Variants in LRRC7 observed in about 807,000 individuals in gnomAD.
The protein encoded by LRRC7 is leucine rich repeat containing 7.
Under a neutral mutation model 175.7 loss-of-function variants are expected in LRRC7, and 23 were observed. The ratio of observed to expected loss-of-function variants is 0.13; its 90% CI spans 0.09 to 0.19. The LOEUF (loss-of-function observed/expected upper bound fraction) is 0.19. Among genes scored for constraint, LRRC7 ranks in the 10% least tolerant of loss-of-function variants. The pLI is 1.00. For missense variants in LRRC7, 1,354 were observed against 1,904.7 expected, an observed-to-expected ratio of 0.71 and a Z score of 5.38; for synonymous variants, 685 against 680.9, an observed-to-expected ratio of 1.01 and a Z score of -0.09.
At chr1:70,012,086 C>T (rs1656566118) in intron 12 of LRRC7, among the ~76,000 whole-genome samples, 160 bp downstream of exon 12, 1 of 151,728 alleles carries the variant, frequency 6.6e-6, no homozygotes. Flanking sequence ...TTTTAAATGA[C>T]AAGTTCTTAT....
intron 2 of LRRC7, among the ~76,000 whole-genome samples, chr1:69,758,961 A>G (rs953209842): frequency 1.3e-5 from 2 of 152,018 alleles, no homozygotes; most frequent in African/African-American, 4.8e-5. Context: ...TTAAGTTTTA[A>G]TTCTGTAGTT....
At chr1:69,905,154 C>T (rs1646257856) in intron 7 of LRRC7, among the ~76,000 whole-genome samples, 1 of 152,034 alleles carries the variant, frequency 6.6e-6, no homozygotes, top group Admixed American at 6.6e-5. Flanking sequence ...TGAAAATACA[C>T]ATGCATATGC....
At chr1:69,932,094 T>C (rs914704388) in intron 8 of LRRC7, among the ~76,000 whole-genome samples, 3 of 152,200 alleles carry the variant, frequency 2.0e-5, no homozygotes, top group Admixed American at 6.5e-5. Context: ...ACTGGCAGAA[T>C]TCTGCCTTCT....
intron 7 of LRRC7, among the ~76,000 whole-genome samples, chr1:69,889,580 G>T (rs1645769503): frequency 6.6e-6 from 1 of 152,168 alleles, no homozygotes; most frequent in African/African-American, 2.4e-5. Context: ...GCTAAAGCAG[G>T]TGGATTACTT....
At chr1:69,906,796 G>C (rs963308591) in intron 7 of LRRC7, among the ~76,000 whole-genome samples, 1 of 152,170 alleles carries the variant, frequency 6.6e-6, no homozygotes, top group Non-Finnish European at 1.5e-5. Context: ...ATTCTGTGAA[G>C]AAAGTCATTG....
intron 15 of LRRC7, among the ~76,000 whole-genome samples, chr1:70,020,010 G>A (rs1389632003): frequency 6.6e-6 from 1 of 152,000 alleles, no homozygotes; most frequent in African/African-American, 2.4e-5. Context: ...TCCCAAGGTA[G>A]ATTCAGTTAG....
At chr1:69,776,382 G>A (rs1016930587) in intron 3 of LRRC7, among the ~76,000 whole-genome samples, 1 of 152,022 alleles carries the variant, frequency 6.6e-6, no homozygotes. Flanking sequence ...AGAAATGATA[G>A]TTGCACTTTC....
At chr1:69,694,523 A>G (rs1662310401) in intron 2 of LRRC7, among the ~76,000 whole-genome samples, 1 of 151,966 alleles carries the variant, frequency 6.6e-6, no homozygotes, top group Non-Finnish European at 1.5e-5. Context: ...TTCAGTCACA[A>G]TTTTTTGACC....
chr1:69,761,997 C>T (rs995559895), intron 3 of LRRC7, among the ~76,000 whole-genome samples: 4 of 151,756 alleles, frequency 2.6e-5, no homozygotes, highest in African/African-American at 9.7e-5. Flanking sequence ...ATAGAGGACA[C>T]CCAGTTATAT....
intron 1 of LRRC7, among the ~76,000 whole-genome samples, chr1:69,650,337 G>C (rs146275526): frequency 6.6e-6 from 1 of 151,668 alleles, no homozygotes; most frequent in Non-Finnish European, 1.5e-5. Context: ...TCAGGAGATC[G>C]AGACCATCGT....
chr1:69,777,043 T>C (rs1463981210), intron 3 of LRRC7, among the ~76,000 whole-genome samples: 1 of 152,150 alleles, frequency 6.6e-6, no homozygotes, highest in African/African-American at 2.4e-5. Context: ...CCAAGAGCCC[T>C]AAATAATTAA....
chr1:69,605,534 C>T (rs1647400456), intron 1 of LRRC7, among the ~76,000 whole-genome samples: 1 of 152,116 alleles, frequency 6.6e-6, no homozygotes, highest in Non-Finnish European at 1.5e-5. Flanking sequence ...ATTAATAAAG[C>T]ATCATCTCTT....
intron 3 of LRRC7, among the ~76,000 whole-genome samples, chr1:69,782,322 C>T (rs1181548989): frequency 2.0e-5 from 3 of 152,212 alleles, no homozygotes; most frequent in African/African-American, 7.2e-5. Context: ...AGAAACTACA[C>T]TACAATCTTG....
At chr1:69,710,458 G>A (rs1443103248) in intron 2 of LRRC7, among the ~76,000 whole-genome samples, 1 of 152,010 alleles carries the variant, frequency 6.6e-6, no homozygotes, top group Non-Finnish European at 1.5e-5. Context: ...TCCCTGTAGG[G>A]TTTACAGATT....
chr1:69,772,388 A>G (rs530958580), intron 3 of LRRC7, among the ~76,000 whole-genome samples: 62 of 152,290 alleles, frequency 4.1e-4, no homozygotes, highest in Non-Finnish European at 8.2e-4. Flanking sequence ...GAAGAGTGGT[A>G]CAAGGCACCA....
At chr1:69,644,308 G>C (rs920668226) in intron 1 of LRRC7, among the ~76,000 whole-genome samples, 1 of 151,898 alleles carries the variant, frequency 6.6e-6, no homozygotes, top group South Asian at 2.1e-4. Context: ...TTTTCTGTGA[G>C]TTTTTGCTTC....
intron 7 of LRRC7, among the ~76,000 whole-genome samples, chr1:69,861,528 A>G (rs755574011): frequency 3.3e-5 from 5 of 152,200 alleles, no homozygotes; most frequent in Non-Finnish European, 7.3e-5. Flanking sequence ...CAAGCAATTT[A>G]ACAAGTCCAG....
At chr1:69,631,324 A>C (rs1423064621) in intron 1 of LRRC7, among the ~76,000 whole-genome samples, 1 of 151,888 alleles carries the variant, frequency 6.6e-6, no homozygotes, top group Non-Finnish European at 1.5e-5. Flanking sequence ...TATCCTACCC[A>C]TTTTGGTCCT....
chr1:69,748,357 T>C (rs972995722), intron 2 of LRRC7, among the ~76,000 whole-genome samples: 2 of 152,086 alleles, frequency 1.3e-5, no homozygotes, highest in African/African-American at 4.8e-5. Flanking sequence ...GGGCACCAAA[T>C]TAACATTGCG....
Sources: allele counts gnomAD v4.1 joint callset (sites outside exome capture counted in the v4.1 genomes callset), GRCh38; gene constraint gnomAD v4.1.1; transcripts MANE v1.5; gene names NCBI Gene and HGNC (gene_info 2026-07-23, HGNC 2026-07-21).